Variants in IGF2R observed in about 807,000 individuals in gnomAD.
The protein encoded by IGF2R is cation-independent mannose-6-phosphate receptor.
A neutral mutation model predicts 270.6 loss-of-function variants in IGF2R; 91 were observed. That is an observed-to-expected ratio of 0.34 (90% CI 0.28 to 0.40). The LOEUF is 0.40. IGF2R is among the 10% of genes least tolerant of loss of function. The pLI is 1.00. For missense variants in IGF2R, 2,805 were observed against 3,188.3 expected (o/e 0.88, Z 2.90); for synonymous variants, 1,316 against 1,258.9 (o/e 1.05, Z -0.96).
intron 1 of IGF2R, among the ~76,000 whole-genome samples, chr6:159,980,931 A>G (rs568576833): frequency 7.1e-4 from 108 of 152,340 alleles, no homozygotes; most frequent in African/African-American, 2.5e-3. Flanking sequence ...CGCCCAGGTA[A>G]TTGCTCTGAT....
In IGF2R at chr6:160,043,219, A is replaced by G. The variant is rs1018895715; in HGVS notation, c.1552A>G (p.Ile518Val). The change falls in exon 12 of 48, where the codon ATT (isoleucine) becomes GTT (valine). Residue 518 changes from isoleucine to valine, a missense_variant. Coordinates refer to ENST00000356956, the MANE Select transcript of IGF2R (RefSeq NM_000876.4). ...AGAGAAGAAGCATTTTTTCATTAATATTTGTCACAGAGTGCTGCAGGAAGG... is the reference window on the plus strand; with the variant it reads ...AGAGAAGAAGCATTTTTTCATTAATGTTTGTCACAGAGTGCTGCAGGAAGG... ...ETEKKHFFIN[I>V]CHRVLQEGKA... The G allele has an allele frequency of 6.2e-7, 1 of 1,614,138 alleles. No homozygotes were observed.
intron 34 of IGF2R, 50 bp from the exon 35 acceptor site, chr6:160,073,707 G>A: frequency 6.6e-7 from 1 of 1,505,754 alleles, no homozygotes; most frequent in South Asian, 1.2e-5. Context: ...ACCTAGTGGT[G>A]ATTAGGAAAA....
chr6:160,104,079 TAAAA>T (rs201023565), intron 47 of IGF2R, among the ~76,000 whole-genome samples: 1 of 148,166 alleles, frequency 6.7e-6, no homozygotes, highest in Non-Finnish European at 1.5e-5. Flanking sequence ...GGCTGTTCTT[TAAAA>T]AAAAAACAAA....
chr6:159,969,587 G>A lies in IGF2R; in HGVS notation c.149+192G>A, dbSNP rs1270459899. ...GTCCCGCCGGGTCCCGTGCGCAGGC[G>A]GGGGGCGCGGGGGCACACGCGGTCG... On this transcript the variant is annotated intron_variant, in intron 1 of 47. Coordinates refer to ENST00000356956, the MANE Select transcript of IGF2R (RefSeq NM_000876.4). Among the ~76,000 whole-genome samples the A allele has an allele frequency of 2.0e-5, 3 of 152,218 alleles. No individual in the cohort carries two copies. The East Asian group carries it at 5.8e-4, about 29-fold the overall frequency.
intron 1 of IGF2R, among the ~76,000 whole-genome samples, chr6:159,981,749 G>A (rs575323832): frequency 1.3e-5 from 2 of 152,258 alleles, no homozygotes; most frequent in African/African-American, 4.8e-5. Context: ...TTAGGGTAGC[G>A]TGCCCCCTCT....
At chr6:160,056,913 T>C (rs1778329086) in intron 20 of IGF2R, among the ~76,000 whole-genome samples, 1 of 152,202 alleles carries the variant, frequency 6.6e-6, no homozygotes, top group East Asian at 1.9e-4. Flanking sequence ...AGAGCCCGTA[T>C]GTTTTAATGT....
chr6:160,046,057 A>G (rs995230876), intron 14 of IGF2R, among the ~76,000 whole-genome samples, 175 bp downstream of exon 14: 6 of 152,340 alleles, frequency 3.9e-5, no homozygotes, highest in Middle Eastern at 3.4e-3. Flanking sequence ...TGAAAATACT[A>G]TCTTAAATTC....
At chr6:160,083,617 GC>G (rs1562372745) in intron 39 of IGF2R, among the ~76,000 whole-genome samples, 1 of 152,226 alleles carries the variant, frequency 6.6e-6, no homozygotes, top group Non-Finnish European at 1.5e-5. Context: ...GCGGCCTTCC[GC>G]AGTGCATTGT....
At position 159,998,263 on chromosome 6, in the gene IGF2R, G is replaced by C. The variant is rs534733029; in HGVS notation, c.289+6940G>C. Among the ~76,000 whole-genome samples, 4 of 152,196 alleles carry C rather than the reference G, an allele frequency of 2.6e-5. No homozygotes were observed. The highest frequency in any genetic ancestry group is 9.7e-5 in the African/African-American group (4 of 41,446). On this transcript the variant is annotated intron_variant, in intron 2 of 47. Coordinates refer to ENST00000356956, the MANE Select transcript of IGF2R (RefSeq NM_000876.4). The surrounding 1 kb of genome is among the most constrained non-coding windows in gnomAD (Gnocchi z 4.1). The stretch of plus-strand genomic sequence containing the variant: ...TTTGGCTAATGAAAGTATGTCTTGA[G>C]TTTATGGTAGTATAGTATGGTATGG...
At chr6:160,099,856 T>C (rs1779444877) in intron 45 of IGF2R, among the ~76,000 whole-genome samples, 1 of 152,110 alleles carries the variant, frequency 6.6e-6, no homozygotes, top group African/African-American at 2.4e-5. Flanking sequence ...TTTCTTACAG[T>C]GATAGCATCA....
Position 160,058,243 on chromosome 6 carries a change from A to T in IGF2R, c.2898+119A>T, listed in dbSNP as rs1326717521. On this transcript the variant is annotated intron_variant, in intron 21 of 47. Transcript: ENST00000356956. ...CCAGGCCACTGTGGTGGCAGCTCTTACTCAGAAGGAGATGGGAAAATCCAG... is the reference window on the plus strand; with the variant it reads ...CCAGGCCACTGTGGTGGCAGCTCTTTCTCAGAAGGAGATGGGAAAATCCAG... The T allele has an allele frequency of 4.4e-6, 3 of 675,682 alleles. No individual in the cohort carries two copies. In the East Asian group the frequency reaches 7.9e-5, roughly 18 times the overall value. The allele number at this position is 675,682 out of a possible 1,614,324, so 41.9% of individuals were successfully genotyped here. A position where few individuals can be genotyped will look rare whatever the true frequency, so the allele number is the denominator to read the frequency against.
intron 29 of IGF2R, among the ~76,000 whole-genome samples, chr6:160,066,445 G>A (rs557629400): frequency 6.9e-4 from 105 of 152,226 alleles, no homozygotes; most frequent in East Asian, 1.4e-3. Flanking sequence ...GAGCCACTGC[G>A]CCCGGCCTTC....
chr6:160,042,953 A>G (rs1205541563), intron 11 of IGF2R, among the ~76,000 whole-genome samples, 195 bp from the exon 12 acceptor site: 2 of 152,112 alleles, frequency 1.3e-5, no homozygotes, highest in Non-Finnish European at 2.9e-5. Context: ...CTGTCACATT[A>G]AATGAGAAAC....
chr6:160,107,682 C>T lies in IGF2R; in HGVS notation c.*2598C>T, dbSNP rs966440454. On this transcript the variant is annotated 3_prime_UTR_variant, in exon 48 of 48. Transcript: ENST00000356956. Reference sequence around the variant, plus strand: ...TGCTAAAGATGGAATAGGCAAACCCCACACCAAGGAAATCCACAGTGAAGT... The same window carrying T: ...TGCTAAAGATGGAATAGGCAAACCCTACACCAAGGAAATCCACAGTGAAGT... 6 of 152,126 alleles carry T rather than the reference C, an allele frequency of 3.9e-5. No homozygotes were observed. Among genetic ancestry groups the T allele is most frequent in the Non-Finnish European group, 8.8e-5 (6 of 68,012 alleles). 9.4% of individuals were successfully genotyped at this position (152,126 alleles called of 1,614,324 possible).
chr6:160,031,064 A>G (rs1202544671), intron 7 of IGF2R, among the ~76,000 whole-genome samples: 3 of 150,746 alleles, frequency 2.0e-5, no homozygotes, highest in Non-Finnish European at 4.4e-5. Flanking sequence ...CTGGTCTTGA[A>G]CTCCCAGGCT....
At chr6:160,041,168 C>T (rs1347396913) in intron 11 of IGF2R, among the ~76,000 whole-genome samples, 2 of 152,122 alleles carry the variant, frequency 1.3e-5, no homozygotes, top group African/African-American at 4.8e-5. Context: ...ACAGCACAAC[C>T]CCTGTCCTTG....
intron 29 of IGF2R, among the ~76,000 whole-genome samples, 184 bp from the exon 30 acceptor site, chr6:160,068,065 G>GTGTGT (rs973206316): frequency 4.1e-3 from 319 of 77,466 alleles, no homozygotes; most frequent in Middle Eastern, 0.026. Flanking sequence ...TCTGATGGGG[G>GTGTGT]GTGTGTGTGT....
In IGF2R at chr6:160,072,778, T is replaced by C; in HGVS notation, c.4584T>C (p.Asp1528=). 1.2e-6 allele frequency: 2 copies of C among 1,614,208 alleles called. No individual in the cohort carries two copies. The highest frequency in any genetic ancestry group is 2.2e-5 in the South Asian group (2 of 91,084). Reference sequence around the variant, plus strand: ...TCCACCCTACAGGACACCTGTTTGATCTGAGCTCCTTAAGTGGCAGGGCGG... The same window carrying C: ...TCCACCCTACAGGACACCTGTTTGACCTGAGCTCCTTAAGTGGCAGGGCGG... ...VTNPSTGHLF[D]LSSLSGRAGF... is the part of the protein sequence containing the mutation. The change falls in exon 33 of 48, where the codon GAT becomes GAC. Residue 1528 remains aspartate, a synonymous_variant. Transcript: ENST00000356956.
chr6:160,086,922 C>T (rs1007485609), intron 41 of IGF2R, among the ~76,000 whole-genome samples: 1 of 151,970 alleles, frequency 6.6e-6, no homozygotes, highest in African/African-American at 2.4e-5. Context: ...CCCTGGACAC[C>T]CTGCGCCATG....
Sources: allele counts gnomAD v4.1 joint callset (sites outside exome capture counted in the v4.1 genomes callset), GRCh38; gene constraint gnomAD v4.1.1; non-coding constraint Gnocchi (gnomAD v3.1); transcripts MANE v1.5; gene names NCBI Gene and HGNC (gene_info 2026-07-23, HGNC 2026-07-21).